The following DOK5 variants were observed in gnomAD, a reference collection of about 807,000 sequenced individuals.
DOK5 encodes docking protein 5, also known as downstream of tyrosine kinase 5.
Under a neutral mutation model 43.3 loss-of-function variants are expected in DOK5, and 27 were observed. The observed-to-expected ratio is 0.62, with a 90% CI of 0.46 to 0.86. DOK5 has a LOEUF of 0.86. Ranked by LOEUF, DOK5 falls within the 40% of genes least tolerant of loss-of-function variation. The pLI is 0.00. For synonymous variants in DOK5, 146 were observed against 140.1 expected (o/e 1.04, Z -0.30); for missense variants, 373 against 392.9 (o/e 0.95, Z 0.43).
intron 1 of DOK5, among the ~76,000 whole-genome samples, chr20:54,508,314 C>A (rs1982887726): frequency 6.6e-6 from 1 of 151,848 alleles, no homozygotes; most frequent in Admixed American, 6.6e-5. Flanking sequence ...ACCTCCCCAC[C>A]ACACATAAAT....
chr20:54,513,171 A>G (rs1983067563), intron 1 of DOK5, among the ~76,000 whole-genome samples: 2 of 152,136 alleles, frequency 1.3e-5, no homozygotes. Context: ...GTACCCAGGG[A>G]TGCTCCTGGA....
intron 5 of DOK5, among the ~76,000 whole-genome samples, chr20:54,593,435 G>A (rs1042859212): frequency 1.3e-5 from 2 of 152,138 alleles, no homozygotes; most frequent in African/African-American, 2.4e-5. Flanking sequence ...ACAAGTTGGT[G>A]AATCTTTCAA....
At chr20:54,581,557 G>A in intron 2 of DOK5, among the ~76,000 whole-genome samples, 2 of 151,700 alleles carry the variant, frequency 1.3e-5, no homozygotes, top group East Asian at 3.9e-4. Context: ...CTTTTAAAAT[G>A]AATTTCTTCA....
intron 1 of DOK5, among the ~76,000 whole-genome samples, chr20:54,490,171 T>A (rs1255265538): frequency 4.6e-5 from 7 of 152,208 alleles, no homozygotes; most frequent in Non-Finnish European, 1.0e-4. Context: ...ATATAAATCA[T>A]AATTTACTGT....
At chr20:54,647,509 T>TAAAAA in intron 7 of DOK5, among the ~76,000 whole-genome samples, 1 of 127,730 alleles carries the variant, frequency 7.8e-6, no homozygotes, top group Non-Finnish European at 1.7e-5. Flanking sequence ...CTGTCTCAGT[T>TAAAAA]AAAAAAAAAA....
At chr20:54,562,740 TAAAAA>T (rs72087109) in intron 2 of DOK5, among the ~76,000 whole-genome samples, 1 of 151,840 alleles carries the variant, frequency 6.6e-6, no homozygotes, top group East Asian at 1.9e-4. Context: ...ATATTTACAT[TAAAAA>T]AATCAATCTA....
At chr20:54,492,704 G>GTGTT (rs1225462131) in intron 1 of DOK5, among the ~76,000 whole-genome samples, 1 of 151,776 alleles carries the variant, frequency 6.6e-6, no homozygotes, top group African/African-American at 2.4e-5. Flanking sequence ...GTGTGTGTGT[G>GTGTT]TGTGTGTGTG....
intron 2 of DOK5, among the ~76,000 whole-genome samples, chr20:54,567,848 T>C (rs1341292781): frequency 6.6e-6 from 1 of 152,194 alleles, no homozygotes; most frequent in Non-Finnish European, 1.5e-5. Context: ...TTTTTAAAAT[T>C]TATTTCATCA....
intron 7 of DOK5, among the ~76,000 whole-genome samples, chr20:54,649,250 C>A (rs919495259): frequency 2.0e-5 from 3 of 151,954 alleles, no homozygotes; most frequent in African/African-American, 7.3e-5. Flanking sequence ...GGCGAGACCC[C>A]CTCCCTACAA....
At chr20:54,476,739 A>C (rs1981443497) in intron 1 of DOK5, among the ~76,000 whole-genome samples, 1 of 152,116 alleles carries the variant, frequency 6.6e-6, no homozygotes, top group Non-Finnish European at 1.5e-5. Flanking sequence ...GAATGAATGA[A>C]TCTTAGGGCA....
intron 6 of DOK5, among the ~76,000 whole-genome samples, chr20:54,628,408 CAAAAAAAAAAAAAAAAAAAAAA>C (rs56730310): frequency 0.026 from 617 of 23,464 alleles, 23 homozygotes; most frequent in African/African-American, 0.077. Context: ...GACTCCGTCT[CAAAAAAAAAAAAAAAAAAAAAA>C]AAAAAAAAAA....
intron 1 of DOK5, among the ~76,000 whole-genome samples, chr20:54,503,780 C>T (rs867924362): frequency 6.6e-6 from 1 of 152,056 alleles, no homozygotes; most frequent in South Asian, 2.1e-4. Flanking sequence ...TTTGCAGGGT[C>T]TAGGTGCTCC....
At chr20:54,590,520 G>A (rs987315492) in intron 4 of DOK5, among the ~76,000 whole-genome samples, 1 of 151,870 alleles carries the variant, frequency 6.6e-6, no homozygotes. Context: ...TTTCAAGGGG[G>A]GGGAATATGC....
chr20:54,613,067 A>T (rs1986700423), intron 6 of DOK5, among the ~76,000 whole-genome samples: 1 of 152,246 alleles, frequency 6.6e-6, no homozygotes, highest in African/African-American at 2.4e-5. Context: ...TAGCTGAGCC[A>T]TCATTAGCAT....
rs1165325098 is a variant in DOK5, at chr20:54,636,710, G to A, written c.736-6748G>A. 3.9e-5 allele frequency among the ~76,000 whole-genome samples: 6 copies of A among 152,234 alleles called. No individual in the cohort carries two copies. The East Asian group carries it at 7.7e-4, about 20-fold the overall frequency. ...TTTGACTAATAACTCCATTTCCCAC[G>A]TGGTGTGTCTGACCTCACATCAATT... On this transcript the variant is annotated intron_variant, in intron 6 of 7. Transcript: ENST00000262593.
Position 54,561,376 on chromosome 20 carries a change from G to T in DOK5, c.174+6336G>T, listed in dbSNP as rs528255069. On this transcript the variant is annotated intron_variant, in intron 2 of 7. Transcript: ENST00000262593. ...CCCCTGTGCAGAGAGATATGTTCCT[G>T]CAACTGATTCCTGGCCTCAGGGGAA... is the stretch of plus-strand genomic sequence containing the variant. Among the ~76,000 whole-genome samples, 218 of 152,320 alleles carry T rather than the reference G, an allele frequency of 1.4e-3. 1 individual carries two copies. Among genetic ancestry groups the T allele is most frequent in the Non-Finnish European group, 2.9e-3 (198 of 68,026 alleles).
intron 7 of DOK5, among the ~76,000 whole-genome samples, chr20:54,648,554 TAG>T (rs1212147503): frequency 1.3e-5 from 2 of 151,672 alleles, no homozygotes; most frequent in African/African-American, 4.9e-5. Flanking sequence ...GCATTCTCCA[TAG>T]AGAGGTCAGC....
chr20:54,616,509 C>G (rs1402600266), intron 6 of DOK5, among the ~76,000 whole-genome samples: 2 of 152,230 alleles, frequency 1.3e-5, no homozygotes, highest in Non-Finnish European at 2.9e-5. Context: ...ACACATCTTT[C>G]TCTGGGACCT....
At chr20:54,579,799 T>C (rs1985578399) in intron 2 of DOK5, among the ~76,000 whole-genome samples, 1 of 152,148 alleles carries the variant, frequency 6.6e-6, no homozygotes, top group Non-Finnish European at 1.5e-5. Flanking sequence ...TATATATATA[T>C]ACTTTAAGTT....
Sources: allele counts gnomAD v4.1 joint callset (sites outside exome capture counted in the v4.1 genomes callset), GRCh38; gene constraint gnomAD v4.1.1; transcripts MANE v1.5; gene names NCBI Gene and HGNC (gene_info 2026-07-23, HGNC 2026-07-21).